CMTM8: variants seen among roughly 807,000 people sequenced by gnomAD.
CMTM8 encodes CKLF like MARVEL transmembrane domain containing 8.
A neutral mutation model predicts 18.6 loss-of-function variants in CMTM8; 12 were observed. That is an observed-to-expected ratio of 0.65 (90% CI 0.41 to 1.05). The LOEUF (loss-of-function observed/expected upper bound fraction) is 1.05, where lower values mean the gene tolerates loss of function less well. CMTM8 is among the 50% of genes least tolerant of loss of function. The pLI is 0.00. For synonymous variants in CMTM8, 87 were observed against 90.6 expected (o/e 0.96, Z 0.23); for missense variants, 217 against 227.2 (o/e 0.95, Z 0.29).
At chr3:32,335,609 G>A (rs1382613029) in intron 1 of CMTM8, among the ~76,000 whole-genome samples, 1 of 152,166 alleles carries the variant, frequency 6.6e-6, no homozygotes, top group African/African-American at 2.4e-5. Context: ...GGTGCAGCTT[G>A]CAGCTGTGGG....
At position 32,239,038 on chromosome 3, in the gene CMTM8, C is replaced by T; in HGVS notation, c.66C>T (p.Asn22=). 1 of 1,585,560 alleles carries T rather than the reference C, an allele frequency of 6.3e-7. No individual in the cohort carries two copies. Among genetic ancestry groups the T allele is most frequent in the African/African-American group, 1.3e-5 (1 of 74,198 alleles). The change falls in exon 1 of 4, where the codon AAC becomes AAT. Residue 22 remains asparagine (N), a synonymous_variant. Transcript: ENST00000307526. ...VTTTASSFAE[N]FSTSSSSFAY... The stretch of plus-strand genomic sequence containing the variant: ...CCACCGCCAGCTCCTTCGCAGAGAA[C>T]TTCTCCACCAGCAGCAGCAGCTTCG...
intron 1 of CMTM8, among the ~76,000 whole-genome samples, chr3:32,267,992 G>C (rs1702374313): frequency 6.6e-6 from 1 of 152,180 alleles, no homozygotes; most frequent in Non-Finnish European, 1.5e-5. Context: ...TTACACTGTT[G>C]GTGGGACTGT....
intron 2 of CMTM8, among the ~76,000 whole-genome samples, chr3:32,366,702 T>A (rs901265116): frequency 6.6e-6 from 1 of 152,142 alleles, no homozygotes; most frequent in African/African-American, 2.4e-5. Flanking sequence ...TTCTAAGAGG[T>A]GATATGGGGA....
chr3:32,259,025 G>A, intron 1 of CMTM8: 1 of 348,570 alleles, frequency 2.9e-6, no homozygotes, highest in East Asian at 7.3e-5. Flanking sequence ...CATCCAGCCA[G>A]TCAGCAGTGC....
At chr3:32,252,130 G>C (rs1702119105) in intron 1 of CMTM8, among the ~76,000 whole-genome samples, 1 of 152,146 alleles carries the variant, frequency 6.6e-6, no homozygotes, top group African/African-American at 2.4e-5. Flanking sequence ...TAAATTTTAA[G>C]AAGTCTTTTT....
At chr3:32,316,017 CTTTTTTTTTT>C (rs150112865) in intron 1 of CMTM8, among the ~76,000 whole-genome samples, 2 of 65,036 alleles carry the variant, frequency 3.1e-5, no homozygotes, top group African/African-American at 1.2e-4. Context: ...GTGATTCCAC[CTTTTTTTTTT>C]TTTTTTTTTT....
At chr3:32,289,195 G>A (rs945469629) in intron 1 of CMTM8, among the ~76,000 whole-genome samples, 13 of 152,168 alleles carry the variant, frequency 8.5e-5, no homozygotes, top group Non-Finnish European at 1.3e-4. Context: ...AAGCCCCAAC[G>A]ATAACGGATC....
At chr3:32,239,370 C>T (rs11918405) in intron 1 of CMTM8, among the ~76,000 whole-genome samples, 21,918 of 151,922 alleles carry the variant, frequency 0.14, 2,037 homozygotes, top group South Asian at 0.33. Flanking sequence ...GTTGGGTCCT[C>T]TCGGTGGCGG....
chr3:32,298,524 C>T lies in CMTM8; in HGVS notation c.148-58849C>T, dbSNP rs79617033. 5.5e-3 allele frequency among the ~76,000 whole-genome samples: 826 copies of T among 148,874 alleles called. 7 individuals carry two copies. Among genetic ancestry groups the T allele is most frequent in the African/African-American group, 0.02 (800 of 40,348 alleles). ...GAGCACTCTTGGTCTCTTTCCAGGG[C>T]GATCCTTGCTAGATATTTTTCTTAT... On this transcript the variant is annotated intron_variant, in intron 1 of 3. Transcript: ENST00000307526.
intron 1 of CMTM8, among the ~76,000 whole-genome samples, chr3:32,304,420 A>C (rs541283103): frequency 6.8e-4 from 103 of 152,332 alleles, no homozygotes; most frequent in African/African-American, 2.4e-3. Context: ...GGGGAAAGGA[A>C]AAGTATAAAG....
chr3:32,296,339 C>T (rs370506332), intron 1 of CMTM8, among the ~76,000 whole-genome samples: 63 of 152,074 alleles, frequency 4.1e-4, no homozygotes, highest in Non-Finnish European at 7.6e-4. Flanking sequence ...TTGTTCAGCC[C>T]CCTCCGGAGT....
At chr3:32,322,619 C>T (rs1696078372) in intron 1 of CMTM8, among the ~76,000 whole-genome samples, 1 of 152,132 alleles carries the variant, frequency 6.6e-6, no homozygotes, top group Non-Finnish European at 1.5e-5. Flanking sequence ...GTGGGAAGGG[C>T]ATGTTCACTT....
rs893043070 is a variant in CMTM8, at chr3:32,238,889, G to T, written c.-84G>T. 2.3e-6 allele frequency: 3 copies of T among 1,292,066 alleles called. No homozygotes were observed. The African/African-American group carries it at 4.7e-5, about 20-fold the overall frequency. The allele number at this position is 1,292,066 out of a possible 1,614,324, so 80.0% of individuals were successfully genotyped here. Reference sequence around the variant, plus strand: ...GGCCGCGCTCCCCTCCCCCGCGCCTGTGTCCCCAGGGCGCAGGGCCGCGCG... The same window carrying T: ...GGCCGCGCTCCCCTCCCCCGCGCCTTTGTCCCCAGGGCGCAGGGCCGCGCG... On this transcript the variant is annotated 5_prime_UTR_variant, in exon 1 of 4. Coordinates refer to ENST00000307526, the MANE Select transcript of CMTM8 (RefSeq NM_178868.5).
rs1050899868 is a variant in CMTM8 at position 32,242,221 on chromosome 3, C to A, written c.147+3102C>A. ...TTGCACCTTTCAGAATAGCTTGATT[C>A]TATACACAATTCCTAGTTCAACTAG... On this transcript the variant is annotated intron_variant, in intron 1 of 3. Transcript: ENST00000307526. Among the ~76,000 whole-genome samples the A allele has an allele frequency of 2.0e-5, 3 of 152,342 alleles. No homozygotes were observed. The South Asian group carries it at 6.2e-4, about 32-fold the overall frequency.
chr3:32,353,888 G>A (rs1639344066), intron 1 of CMTM8, among the ~76,000 whole-genome samples: 1 of 150,588 alleles, frequency 6.6e-6, no homozygotes. Flanking sequence ...GGGTTCAAGC[G>A]ATTCTCCTGC....
intron 1 of CMTM8, among the ~76,000 whole-genome samples, chr3:32,294,591 A>G (rs551917673): frequency 6.6e-6 from 1 of 152,254 alleles, no homozygotes; most frequent in African/African-American, 2.4e-5. Context: ...TTTCTCATCT[A>G]TAAAATGGGA....
At chr3:32,319,074 A>ATATATATATATT in intron 1 of CMTM8, among the ~76,000 whole-genome samples, 12 of 31,528 alleles carry the variant, frequency 3.8e-4, no homozygotes, top group Non-Finnish European at 4.6e-4. Context: ...ATATATATAT[A>ATATATATATATT]TTTTTTTTTT....
intron 2 of CMTM8, among the ~76,000 whole-genome samples, chr3:32,362,046 C>CTTTTTCTTTTTTTT (rs768641791): frequency 1.7e-4 from 16 of 92,072 alleles, no homozygotes; most frequent in East Asian, 6.2e-4. Context: ...ATTTTCTTTT[C>CTTTTTCTTTTTTTT]TTTTTTTTTT....
In CMTM8 at chr3:32,264,085, A is replaced by G. The variant is rs186867584; in HGVS notation, c.147+24966A>G. ...GCAAGGCAGGCCAACATTCAAATTC[A>G]GGAAATACAGAGAACTCCACAAAGA... On this transcript the variant is annotated intron_variant, in intron 1 of 3. Transcript: ENST00000307526. Among the ~76,000 whole-genome samples the G allele has an allele frequency of 5.0e-3, 762 of 152,350 alleles. 13 individuals carry two copies. The highest frequency in any genetic ancestry group is 0.035 in the Admixed American group (528 of 15,304).
Sources: allele counts gnomAD v4.1 joint callset (sites outside exome capture counted in the v4.1 genomes callset), GRCh38; gene constraint gnomAD v4.1.1; transcripts MANE v1.5; gene names NCBI Gene and HGNC (gene_info 2026-07-23, HGNC 2026-07-21).